RTN3: variants seen among roughly 807,000 people sequenced by gnomAD.
The protein encoded by RTN3 is reticulon 3, also known as reticulon-3.
RTN3 carries 49 observed loss-of-function variants against 77.8 expected under a neutral mutation model. The observed-to-expected ratio is 0.63, with a 90% CI of 0.50 to 0.80. The LOEUF (loss-of-function observed/expected upper bound fraction) is 0.80, where lower values mean the gene tolerates loss of function less well. Ranked by LOEUF, RTN3 falls within the 30% of genes least tolerant of loss-of-function variation. The pLI, the probability that RTN3 is intolerant of heterozygous loss-of-function variation, is 0.00. For synonymous variants in RTN3, 464 were observed against 446.9 expected, an observed-to-expected ratio of 1.04 and a Z score of -0.48; for missense variants, 1,236 against 1,211.9, an observed-to-expected ratio of 1.02 and a Z score of -0.29.
At position 63,751,325 on chromosome 11, in the gene RTN3, A is replaced by G. The variant is rs537715215; in HGVS notation, c.2738+1127A>G. On this transcript the variant is annotated intron_variant, in intron 4 of 8. Transcript: ENST00000377819. ...CTGTGCTTTGGTAATACCAGAACTC[A>G]GTGTTTTCATTCTTGGTTTATTACT... Among the ~76,000 whole-genome samples the G allele has an allele frequency of 1.2e-4, 18 of 152,330 alleles. No homozygotes were observed. In the South Asian group the frequency reaches 3.7e-3, roughly 32 times the overall value.
intron 3 of RTN3, among the ~76,000 whole-genome samples, chr11:63,742,105 A>G (rs1313176162): frequency 4.7e-5 from 7 of 149,590 alleles, no homozygotes; most frequent in Admixed American, 4.0e-4. Flanking sequence ...TCAGCCTCCC[A>G]AGTAGCTGAG....
In RTN3 at chr11:63,700,522, G is replaced by A. The variant is rs955613835; in HGVS notation, c.143-4329G>A. Among the ~76,000 whole-genome samples the A allele has an allele frequency of 5.3e-5, 8 of 151,272 alleles. No homozygotes were observed. In the East Asian group the frequency reaches 1.2e-3, roughly 22 times the overall value. On this transcript the variant is annotated intron_variant, in intron 1 of 8. Coordinates refer to ENST00000377819, the MANE Select transcript of RTN3 (RefSeq NM_001265589.2). Reference sequence around the variant, plus strand: ...TGGTCTTGAGCTCCTGGGCGCAAGCGGTCCACCTGCCTCAGCCTCCCAAAG... The same window carrying A: ...TGGTCTTGAGCTCCTGGGCGCAAGCAGTCCACCTGCCTCAGCCTCCCAAAG...
chr11:63,716,989 A>AAC (rs772509517), intron 2 of RTN3, among the ~76,000 whole-genome samples: 3 of 150,258 alleles, frequency 2.0e-5, no homozygotes, highest in African/African-American at 4.9e-5. Context: ...CAAAAAAAAA[A>AAC]AAAAAAGAAA....
At chr11:63,683,644 A>G (rs370005131) in intron 1 of RTN3, among the ~76,000 whole-genome samples, 1 of 152,230 alleles carries the variant, frequency 6.6e-6, no homozygotes, top group African/African-American at 2.4e-5. Flanking sequence ...ACACACAGGC[A>G]TACCACAACC....
At chr11:63,694,138 G>T (rs1161297838) in intron 1 of RTN3, among the ~76,000 whole-genome samples, 1 of 151,776 alleles carries the variant, frequency 6.6e-6, no homozygotes, top group Admixed American at 6.6e-5. Flanking sequence ...GAAGGCTGGG[G>T]TATTAAGATA....
At chr11:63,682,997 T>C (rs568120902) in intron 1 of RTN3, among the ~76,000 whole-genome samples, 6 of 152,328 alleles carry the variant, frequency 3.9e-5, no homozygotes, top group African/African-American at 1.2e-4. Context: ...TTGATCATTT[T>C]TTTTTAATGC....
chr11:63,753,636 C>T (rs2014216574), intron 6 of RTN3, 26 bp from the exon 7 acceptor site: 1 of 1,607,472 alleles, frequency 6.2e-7, no homozygotes, highest in Non-Finnish European at 8.5e-7. Flanking sequence ...TATACACTTG[C>T]CATGTCCCAT....
intron 3 of RTN3, among the ~76,000 whole-genome samples, chr11:63,739,919 G>C (rs2013358383): frequency 6.6e-6 from 1 of 152,144 alleles, no homozygotes; most frequent in African/African-American, 2.4e-5. Flanking sequence ...GGGTTTCTGG[G>C]TGGATGGTAG....
chr11:63,708,109 T>C (rs964673482), intron 2 of RTN3, among the ~76,000 whole-genome samples: 4 of 152,136 alleles, frequency 2.6e-5, no homozygotes, highest in Non-Finnish European at 5.9e-5. Context: ...TGATACATAG[T>C]TGGTTAACTG....
At chr11:63,724,602 C>G (rs954668277) in intron 3 of RTN3, among the ~76,000 whole-genome samples, 1 of 150,446 alleles carries the variant, frequency 6.6e-6, no homozygotes, top group African/African-American at 2.5e-5. Flanking sequence ...AGCGATTCTC[C>G]TGCCTCAGCC....
intron 3 of RTN3, among the ~76,000 whole-genome samples, chr11:63,724,007 T>C (rs886219700): frequency 6.6e-6 from 1 of 151,988 alleles, no homozygotes; most frequent in Non-Finnish European, 1.5e-5. Flanking sequence ...ACATACCTAG[T>C]GTAGTGAAGA....
chr11:63,686,824 T>C (rs1323300261), intron 1 of RTN3, among the ~76,000 whole-genome samples: 3 of 151,982 alleles, frequency 2.0e-5, no homozygotes, highest in Non-Finnish European at 4.4e-5. Context: ...GAGCCAGAAC[T>C]TGTCTTAAAA....
intron 1 of RTN3, among the ~76,000 whole-genome samples, chr11:63,695,145 A>G (rs1941873380): frequency 6.6e-6 from 1 of 152,224 alleles, no homozygotes; most frequent in Non-Finnish European, 1.5e-5. Flanking sequence ...GATTTCTGCT[A>G]TATGCTGGTC....
In RTN3 at chr11:63,759,584, C is replaced by T. The variant is rs2014563436; in HGVS notation, c.*1383C>T. The T allele has an allele frequency of 6.6e-6, 1 of 152,606 alleles. No individual in the cohort carries two copies. The highest frequency in any genetic ancestry group is 1.5e-5 in the Non-Finnish European group (1 of 68,042). 9.5% of individuals were successfully genotyped at this position (152,606 alleles called of 1,614,324 possible). A position where few individuals can be genotyped will look rare whatever the true frequency, so the allele number is the denominator to read the frequency against. On this transcript the variant is annotated 3_prime_UTR_variant, in exon 9 of 9. Coordinates refer to ENST00000377819, the MANE Select transcript of RTN3 (RefSeq NM_001265589.2). ...TGCATTCTCCATCCTCATCCTCTGC[C>T]CTCCCAGGAAGTCAGTGATTGTCTT... is the stretch of plus-strand genomic sequence containing the variant.
chr11:63,744,864 C>T (rs189576280), intron 3 of RTN3, among the ~76,000 whole-genome samples: 2 of 152,250 alleles, frequency 1.3e-5, no homozygotes, highest in Admixed American at 1.3e-4. Context: ...TGGTGGTGCA[C>T]GCCTATAGTC....
chr11:63,693,242 G>A (rs1590784382), intron 1 of RTN3, among the ~76,000 whole-genome samples: 1 of 152,218 alleles, frequency 6.6e-6, no homozygotes, highest in Non-Finnish European at 1.5e-5. Flanking sequence ...CCAGCACTTT[G>A]GGAGGCCGAG....
intron 3 of RTN3, among the ~76,000 whole-genome samples, chr11:63,734,762 CACACACACACACACACA>C (rs1226295089): frequency 6.6e-6 from 1 of 150,482 alleles, no homozygotes; most frequent in Non-Finnish European, 1.5e-5. Flanking sequence ...CACACACACA[CACACACACACACACACA>C]CACCATACTG....
rs1941034019 is a variant in RTN3 at position 63,681,538 on chromosome 11, G to A, written c.-99G>A. On this transcript the variant is annotated 5_prime_UTR_variant, in exon 1 of 9. Coordinates refer to ENST00000377819, the MANE Select transcript of RTN3 (RefSeq NM_001265589.2). ...CTGTCCTCGGAGCAGGCGGAGTAAA[G>A]GGACTTGAGCGAGCCAGTTGCCGGA... 7.9e-7 allele frequency: 1 copy of A among 1,272,174 alleles called. No homozygotes were observed. Among genetic ancestry groups the A allele is most frequent in the Non-Finnish European group, 1.1e-6 (1 of 935,520 alleles). 78.8% of individuals were successfully genotyped at this position (1,272,174 alleles called of 1,614,324 possible).
At chr11:63,684,308 C>A (rs982423108) in intron 1 of RTN3, among the ~76,000 whole-genome samples, 1 of 151,866 alleles carries the variant, frequency 6.6e-6, no homozygotes, top group Non-Finnish European at 1.5e-5. Flanking sequence ...CCACCATGCC[C>A]GGCTAATTTT....
Sources: allele counts gnomAD v4.1 joint callset (sites outside exome capture counted in the v4.1 genomes callset), GRCh38; gene constraint gnomAD v4.1.1; transcripts MANE v1.5; gene names NCBI Gene and HGNC (gene_info 2026-07-23, HGNC 2026-07-21).